BRD8: variants seen among roughly 807,000 people sequenced by gnomAD.
BRD8 encodes bromodomain-containing protein 8.
BRD8 carries 67 observed loss-of-function variants against 143.1 expected under a neutral mutation model. The observed-to-expected ratio is 0.47, with a 90% CI of 0.38 to 0.57. The LOEUF is 0.57. Among genes scored for constraint, BRD8 ranks in the 20% least tolerant of loss-of-function variants. The pLI is 0.00. For missense variants in BRD8, 1,103 were observed against 1,503.0 expected (o/e 0.73, Z 4.40); for synonymous variants, 505 against 517.1 (o/e 0.98, Z 0.32).
At chr5:138,147,841 G>A (rs1469949429) in intron 23 of BRD8, among the ~76,000 whole-genome samples, 2 of 152,054 alleles carry the variant, frequency 1.3e-5, no homozygotes, top group Non-Finnish European at 2.9e-5. Flanking sequence ...ATGAGGCTGA[G>A]GTGAGAGGAT....
rs74962007 is a variant in BRD8, at chr5:138,160,824, A to G, written c.2427+67T>C. On this transcript the variant is annotated intron_variant, in intron 18 of 26. Transcript: ENST00000254900. ...GCCACAGCAACCCTTCTTGGCATCA[A>G]TATGAATCCTCCCCTTGAAGTATTT... 6,452 of 1,440,736 alleles carry G rather than the reference A, an allele frequency of 4.5e-3. 235 individuals carry two copies. The African/African-American group carries it at 0.078, about 17-fold the overall frequency. The allele number at this position is 1,440,736 out of a possible 1,614,324, so 89.2% of individuals were successfully genotyped here. A position where few individuals can be genotyped will look rare whatever the true frequency, so the allele number is the denominator to read the frequency against.
At chr5:138,153,900 T>C (rs1752470046) in intron 20 of BRD8, among the ~76,000 whole-genome samples, 2 of 152,074 alleles carry the variant, frequency 1.3e-5, no homozygotes, top group South Asian at 4.1e-4. Flanking sequence ...GGTCTTGAAC[T>C]TCTGACCTCA....
chr5:138,168,148 C>T (rs1753593273), intron 8 of BRD8, 70 bp from the exon 9 acceptor site: 1 of 1,165,266 alleles, frequency 8.6e-7, no homozygotes, highest in Non-Finnish European at 1.2e-6. Flanking sequence ...AACAAAGCTC[C>T]AGCAGTTGAT....
Position 138,163,228 on chromosome 5 carries a change from A to G in BRD8, c.1989T>C (p.Pro663=). The G allele has an allele frequency of 6.2e-7, 1 of 1,614,126 alleles. No individual in the cohort carries two copies. The highest frequency in any genetic ancestry group is 1.6e-4 in the Middle Eastern group (1 of 6,062). ...TGAAGCCATCATCACTCTCGCTCAC[A>G]GGAGGTTCATTATCCATTTCTGACA... ...GYLSEMDNEP[P]VSESDDGFSI... The change falls in exon 15 of 27, where the codon CCT becomes CCC. Residue 663 remains proline (P), a synonymous_variant. Coordinates refer to ENST00000254900, the MANE Select transcript of BRD8 (RefSeq NM_139199.2).
At chr5:138,140,677 A>G in intron 26 of BRD8, 28 bp downstream of exon 26, 1 of 1,605,920 alleles carries the variant, frequency 6.2e-7, no homozygotes, top group Non-Finnish European at 8.5e-7. Context: ...TCAAGATTCC[A>G]GAGGCTACAG....
chr5:138,178,004 G>A (rs79778967), intron 1 of BRD8, among the ~76,000 whole-genome samples: 3,702 of 152,248 alleles, frequency 0.024, 112 homozygotes, highest in African/African-American at 0.075. Context: ...ATTCCAGTTT[G>A]AACTTATTCA....
chr5:138,163,112 A>G lies in BRD8; in HGVS notation c.2087+18T>C, dbSNP rs768565013. ...CCTTCACTGCCTTGGCCTCAAAGAA[A>G]GAATCTCAGATACTCACAACTGTGA... is the stretch of plus-strand genomic sequence containing the variant. On this transcript the variant is annotated intron_variant, in intron 15 of 26. Transcript: ENST00000254900. 3.1e-6 allele frequency: 5 copies of G among 1,611,478 alleles called. No homozygotes were observed. Among genetic ancestry groups the G allele is most frequent in the Middle Eastern group, 1.7e-4 (1 of 5,716 alleles).
chr5:138,172,521 C>CAAAAAAAA (rs10547758), intron 2 of BRD8, among the ~76,000 whole-genome samples: 1 of 24,688 alleles, frequency 4.1e-5, no homozygotes, highest in African/African-American at 1.5e-4. Flanking sequence ...GACTCCATCT[C>CAAAAAAAA]AAAAAAAAAA....
chr5:138,171,983 G>A, intron 3 of BRD8, 82 bp downstream of exon 3: 1 of 1,013,704 alleles, frequency 9.9e-7, no homozygotes, highest in Non-Finnish European at 1.5e-6. Flanking sequence ...TAAAAGCTTT[G>A]TAACTAAAAG....
intron 10 of BRD8, 73 bp from the exon 11 acceptor site, chr5:138,166,181 C>T: frequency 9.7e-6 from 10 of 1,030,634 alleles, no homozygotes; most frequent in Admixed American, 6.1e-5. Context: ...ATCACATAAG[C>T]GCTACAGACA....
intron 10 of BRD8, 111 bp from the exon 11 acceptor site, chr5:138,166,219 CAGAA>C: frequency 1.3e-6 from 1 of 773,980 alleles, no homozygotes; most frequent in South Asian, 1.7e-5. Context: ...CACTTAAGGT[CAGAA>C]AGAGTCATCA....
chr5:138,166,206 A>G, intron 10 of BRD8, 98 bp from the exon 11 acceptor site: 1 of 856,820 alleles, frequency 1.2e-6, no homozygotes. Flanking sequence ...TCAAATATCC[A>G]AACACTTAAG....
At chr5:138,168,729 A>G (rs1477622856) in intron 8 of BRD8, 1 of 1,039,590 alleles carries the variant, frequency 9.6e-7, no homozygotes, top group Non-Finnish European at 1.5e-6. Context: ...TTCTCAAACT[A>G]TGGAAGGTTC....
At chr5:138,162,173 T>A in intron 15 of BRD8, 27 bp from the exon 16 acceptor site, 2 of 1,496,502 alleles carry the variant, frequency 1.3e-6, no homozygotes, top group Non-Finnish European at 1.8e-6. Context: ...GCAATTCCAC[T>A]AGGCACAAGT....
intron 25 of BRD8, among the ~76,000 whole-genome samples, chr5:138,142,569 C>T (rs577212682): frequency 6.6e-6 from 1 of 151,350 alleles, no homozygotes; most frequent in South Asian, 2.1e-4. Flanking sequence ...TTGAGACCAT[C>T]CTGGCCAACA....
At chr5:138,178,119 G>A (rs761026161) in intron 1 of BRD8, among the ~76,000 whole-genome samples, 9 of 152,136 alleles carry the variant, frequency 5.9e-5, no homozygotes, top group African/African-American at 1.7e-4. Flanking sequence ...CCAAATGTCG[G>A]GGGTAAAAGA....
At chr5:138,160,446 G>A (rs141171295) in intron 18 of BRD8, among the ~76,000 whole-genome samples, 2 of 152,092 alleles carry the variant, frequency 1.3e-5, no homozygotes, top group African/African-American at 4.8e-5. Context: ...ATGAACCAAA[G>A]ATCATTCAGC....
intron 23 of BRD8, among the ~76,000 whole-genome samples, chr5:138,147,299 A>AT (rs1554092631): frequency 5.8e-4 from 85 of 146,152 alleles, no homozygotes; most frequent in Non-Finnish European, 1.2e-3. Flanking sequence ...CTCTTCAAAA[A>AT]ATATATATAT....
At position 138,162,048 on chromosome 5, in the gene BRD8, A is replaced by G. The variant is rs533567068; in HGVS notation, c.2180+6T>C. ...ATGAACCTACTGACTGGTAAAGCCC[A>G]CTCACCTATGATTAGCTGCAGCTCT... On this transcript the variant is annotated splice_donor_region_variant and intron_variant, in intron 16 of 26. Coordinates refer to ENST00000254900, the MANE Select transcript of BRD8 (RefSeq NM_139199.2). 6.2e-7 allele frequency: 1 copy of G among 1,611,512 alleles called. No individual in the cohort carries two copies. The highest frequency in any genetic ancestry group is 2.2e-5 in the East Asian group (1 of 44,862).
Sources: allele counts gnomAD v4.1 joint callset (sites outside exome capture counted in the v4.1 genomes callset), GRCh38; gene constraint gnomAD v4.1.1; transcripts MANE v1.5; gene names NCBI Gene and HGNC (gene_info 2026-07-23, HGNC 2026-07-21).